The following BACE1 variants were observed in gnomAD, a reference collection of about 807,000 sequenced individuals.
BACE1 encodes APP beta-secretase.
BACE1 carries 21 observed loss-of-function variants against 54.0 expected under a neutral mutation model. The ratio of observed to expected loss-of-function variants is 0.39; its 90% CI spans 0.28 to 0.56. The LOEUF (loss-of-function observed/expected upper bound fraction) is 0.56, where lower values mean the gene tolerates loss of function less well. Ranked by LOEUF, BACE1 falls within the 20% of genes least tolerant of loss-of-function variation. BACE1 has a pLI of 0.63. For synonymous variants in BACE1, 232 were observed against 260.9 expected (o/e 0.89, Z 1.07); for missense variants, 511 against 661.2 (o/e 0.77, Z 2.49).
chr11:117,311,039 C>T (rs929416925), intron 1 of BACE1, among the ~76,000 whole-genome samples: 2 of 150,496 alleles, frequency 1.3e-5, no homozygotes, highest in Non-Finnish European at 2.9e-5. Context: ...CTGGAGATTG[C>T]AGTGGTGCAA....
At chr11:117,312,680 C>T (rs1450916996) in intron 1 of BACE1, among the ~76,000 whole-genome samples, 1 of 152,126 alleles carries the variant, frequency 6.6e-6, no homozygotes. Context: ...CCAGGCTGGT[C>T]GCGAACTCCT....
intron 1 of BACE1, among the ~76,000 whole-genome samples, chr11:117,308,111 C>G (rs1212506141): frequency 1.3e-5 from 2 of 152,010 alleles, no homozygotes; most frequent in East Asian, 1.9e-4. Context: ...TGACTGCTCC[C>G]AGCCTTCTCC....
At chr11:117,302,338 CA>C (rs1479395881) in intron 1 of BACE1, among the ~76,000 whole-genome samples, 1 of 149,896 alleles carries the variant, frequency 6.7e-6, no homozygotes, top group African/African-American at 2.5e-5. Context: ...GTCTCAAAAA[CA>C]AAACAAAACA....
At chr11:117,292,969 T>C (rs1163705471) in intron 5 of BACE1, 85 bp downstream of exon 5, 1 of 1,515,688 alleles carries the variant, frequency 6.6e-7, no homozygotes, top group Non-Finnish European at 9.0e-7. Context: ...CTCTGCCTCA[T>C]CCTCCCAACA....
chr11:117,299,866 G>T (rs2034683601), intron 1 of BACE1, among the ~76,000 whole-genome samples: 1 of 152,138 alleles, frequency 6.6e-6, no homozygotes. Flanking sequence ...ATATTACAGG[G>T]CTCCCTGCTA....
chr11:117,312,111 A>G (rs2034955105), intron 1 of BACE1, among the ~76,000 whole-genome samples: 1 of 152,122 alleles, frequency 6.6e-6, no homozygotes, highest in African/African-American at 2.4e-5. Context: ...ACCCAAACTT[A>G]TCTGGTCTTA....
chr11:117,291,564 C>T lies in BACE1; in HGVS notation c.942+148G>A, dbSNP rs373867483. The T allele has an allele frequency of 3.9e-4, 221 of 573,168 alleles. 6 individuals are homozygous for T. In the South Asian group the frequency reaches 4.2e-3, roughly 11 times the overall value. The allele number at this position is 573,168 out of a possible 1,614,324, so 35.5% of individuals were successfully genotyped here. ...GTGCTGGGATTACAGGCGTGAGCCACCACGCCTGGCTAGGGGAAGAGTGTT... is the reference window on the plus strand; with the variant it reads ...GTGCTGGGATTACAGGCGTGAGCCATCACGCCTGGCTAGGGGAAGAGTGTT... On this transcript the variant is annotated intron_variant, in intron 6 of 8. Transcript: ENST00000313005.
rs28989503 is a variant in BACE1, at chr11:117,293,100, A to G, written c.794T>C (p.Val265Ala). The change falls in exon 5 of 9, where the codon GTG becomes GCG. Residue 265 changes from valine (V) to alanine (A), a missense_variant. Around this residue, in one of 2 missense-constraint regions of BACE1, gnomAD observed 407 missense variants for 565.7 expected, o/e 0.72. Coordinates refer to ENST00000313005, the MANE Select transcript of BACE1 (RefSeq NM_012104.6). The surrounding 1 kb of genome is among the most constrained non-coding windows in gnomAD (Gnocchi z 4.1). ...RREWYYEVIIVRVEINGQDLK... is the reference protein window; with the variant it reads ...RREWYYEVIIARVEINGQDLK... The stretch of plus-strand genomic sequence containing the variant: ...ATCCTGTCCATTGATCTCCACCCGC[A>G]CAATGATCACCTCATAATACCACTC... 1 of 1,614,054 alleles carries G rather than the reference A, an allele frequency of 6.2e-7. No homozygotes were observed. The highest frequency in any genetic ancestry group is 2.2e-5 in the East Asian group (1 of 44,886).
At chr11:117,294,780 G>A (rs1427865152) in intron 3 of BACE1, among the ~76,000 whole-genome samples, 1 of 151,748 alleles carries the variant, frequency 6.6e-6, no homozygotes, top group Non-Finnish European at 1.5e-5. Context: ...AGCTACTCGG[G>A]AGGCTGAGGC....
At chr11:117,291,108 C>T in intron 6 of BACE1, 59 bp from the exon 7 acceptor site, 3 of 1,582,888 alleles carry the variant, frequency 1.9e-6, no homozygotes, top group Non-Finnish European at 2.6e-6. Context: ...CTCGCCCCTC[C>T]CATGTTCAGA....
rs1358229579 is a variant in BACE1 at position 117,315,410 on chromosome 11, T to G, written c.261+125A>C. The G allele has an allele frequency of 7.6e-7, 1 of 1,317,254 alleles. No individual in the cohort carries two copies. Among genetic ancestry groups the G allele is most frequent in the Non-Finnish European group, 1.0e-6 (1 of 990,154 alleles). 81.6% of individuals were successfully genotyped at this position (1,317,254 alleles called of 1,614,324 possible). On this transcript the variant is annotated intron_variant, in intron 1 of 8. Transcript: ENST00000313005. This position sits in a 1 kb window ranked among gnomAD's most constrained non-coding sequence, Gnocchi z 5.5. ...AACCACGTGACCCCCGGGGAATGGC[T>G]GGGGAGGGGTCCCTCCTGCTGTCCC...
In BACE1 at chr11:117,306,037, A is replaced by AAAAT. The variant is rs534826950; in HGVS notation, c.262-9080_262-9077dup. On this transcript the variant is annotated intron_variant, in intron 1 of 8. Coordinates refer to ENST00000313005, the MANE Select transcript of BACE1 (RefSeq NM_012104.6). ...GGCGACAGAGTGAGACTCCGTCTCA[A>AAAAT]AAATAAATAAATAAATAAAAATAAA... Among the ~76,000 whole-genome samples the AAAAT allele has an allele frequency of 5.9e-3, 903 of 152,282 alleles. 9 individuals are homozygous for AAAAT. Among genetic ancestry groups the AAAAT allele is most frequent in the Middle Eastern group, 0.017 (5 of 294 alleles).
At chr11:117,306,513 GAGTA>G (rs1230402160) in intron 1 of BACE1, among the ~76,000 whole-genome samples, 3 of 151,978 alleles carry the variant, frequency 2.0e-5, no homozygotes, top group Admixed American at 6.6e-5. Context: ...CCTTGGAAAA[GAGTA>G]AGTGGTAGGG....
chr11:117,310,350 G>C (rs2034919137), intron 1 of BACE1, among the ~76,000 whole-genome samples: 1 of 152,160 alleles, frequency 6.6e-6, no homozygotes, highest in Non-Finnish European at 1.5e-5. Context: ...TCTGAGCTTG[G>C]TATTGTTATA....
rs140327446 is a variant in BACE1, at chr11:117,302,062, G to A, written c.262-5101C>T. ...TAAAAACGTAAAGCTGGCCGGGTGC[G>A]GTGGCTCACGCCTGTAATCCCAGCA... On this transcript the variant is annotated intron_variant, in intron 1 of 8. Transcript: ENST00000313005. Among the ~76,000 whole-genome samples, 911 of 152,270 alleles carry A rather than the reference G, an allele frequency of 6.0e-3. 8 individuals carry two copies. Among genetic ancestry groups the A allele is most frequent in the African/African-American group, 0.02 (842 of 41,552 alleles).
At chr11:117,295,544 C>A (rs1302157542) in intron 2 of BACE1, 197 bp from the exon 3 acceptor site, 1 of 1,535,730 alleles carries the variant, frequency 6.5e-7, no homozygotes, top group South Asian at 1.2e-5. Flanking sequence ...ATGAAGGGAA[C>A]CATTGGTGAG....
In BACE1 at chr11:117,286,992, C is replaced by T. The variant is rs991007970; in HGVS notation, c.*2574G>A. 1 of 152,170 alleles carries T rather than the reference C, an allele frequency of 6.6e-6. No homozygotes were observed. The highest frequency in any genetic ancestry group is 1.5e-5 in the Non-Finnish European group (1 of 68,020). 9.4% of individuals were successfully genotyped at this position (152,170 alleles called of 1,614,324 possible). A position where few individuals can be genotyped will look rare whatever the true frequency, so the allele number is the denominator to read the frequency against. On this transcript the variant is annotated 3_prime_UTR_variant, in exon 9 of 9. Coordinates refer to ENST00000313005, the MANE Select transcript of BACE1 (RefSeq NM_012104.6). ...CCTCAACTTTACAGCAGCCTTAGGCCACCTGCCGTATTTTTCAGTATCCCC... is the reference window on the plus strand; with the variant it reads ...CCTCAACTTTACAGCAGCCTTAGGCTACCTGCCGTATTTTTCAGTATCCCC...
intron 1 of BACE1, among the ~76,000 whole-genome samples, chr11:117,307,988 A>C (rs1591868568): frequency 6.6e-6 from 1 of 151,476 alleles, no homozygotes; most frequent in Non-Finnish European, 1.5e-5. Flanking sequence ...AATATAACCC[A>C]GAAGTCCACT....
At chr11:117,302,603 C>A (rs73012497) in intron 1 of BACE1, among the ~76,000 whole-genome samples, 538 of 152,316 alleles carry the variant, frequency 3.5e-3, no homozygotes, top group Non-Finnish European at 6.3e-3. Context: ...TGCTTCCAGG[C>A]CAGGCGCGGT....
Sources: gnomAD v4.1 joint callset for allele counts (sites outside exome capture counted in the v4.1 genomes callset) on GRCh38, gnomAD v4.1.1 for gene constraint, gnomAD v4.1.1 regional missense constraint, Gnocchi (gnomAD v3.1) non-coding constraint, MANE v1.5 for transcripts, NCBI Gene and HGNC (gene_info 2026-07-23, HGNC 2026-07-21) for gene names.